Variants in FERMT2 observed in about 807,000 individuals in gnomAD.
The protein encoded by FERMT2 is fermitin family homolog 2.
In FERMT2, 15 loss-of-function variants were observed where a neutral mutation model predicts 82.7. That is an observed-to-expected ratio of 0.18 (90% CI 0.12 to 0.28). The LOEUF is 0.28. Ranked by LOEUF, FERMT2 falls within the 10% of genes least tolerant of loss-of-function variation. The pLI is 1.00. For synonymous variants in FERMT2, 274 were observed against 271.5 expected (o/e 1.01, Z -0.09); for missense variants, 645 against 809.4 (o/e 0.80, Z 2.46).
intron 8 of FERMT2, among the ~76,000 whole-genome samples, chr14:52,874,865 A>G (rs1885857673): frequency 6.6e-6 from 1 of 152,154 alleles, no homozygotes; most frequent in Non-Finnish European, 1.5e-5. Flanking sequence ...AGATCAGACT[A>G]GACAACACAG....
chr14:52,875,049 T>C (rs1028294493), intron 8 of FERMT2, among the ~76,000 whole-genome samples, 174 bp downstream of exon 8: 9 of 152,158 alleles, frequency 5.9e-5, no homozygotes, highest in South Asian at 2.1e-4. Flanking sequence ...AACGAGACCC[T>C]GTCTCAAAAT....
Position 52,870,327 on chromosome 14 carries a change from G to C in FERMT2, c.1273+2472C>G, listed in dbSNP as rs528418032. ...TGCAATGGCGTGATCTCAGCTCACC[G>C]CAAGCTCCACCTCCCAGGTTCAAGC... On this transcript the variant is annotated intron_variant, in intron 10 of 14. Transcript: ENST00000341590. 2.7e-5 allele frequency among the ~76,000 whole-genome samples: 4 copies of C among 150,118 alleles called. No individual in the cohort carries two copies. In the East Asian group the frequency reaches 7.9e-4, roughly 29 times the overall value.
Position 52,893,371 on chromosome 14 carries a change from T to C in FERMT2, c.448A>G (p.Lys150Glu). 6.2e-7 allele frequency: 1 copy of C among 1,613,044 alleles called. No homozygotes were observed. Among genetic ancestry groups the C allele is most frequent in the Non-Finnish European group, 8.5e-7 (1 of 1,179,456 alleles). ...LLKKPRDPTK[K>E]KKKKLDDQSE... is the part of the protein sequence containing the mutation. ...TGGTCATCTAGCTTCTTCTTTTTTT[T>C]CTTTGTTGGATCTCTGGGTTTCTTT... is the stretch of plus-strand genomic sequence containing the variant. The change falls in exon 4 of 15, where the codon AAA (lysine) becomes GAA (glutamate). Residue 150 changes from lysine (K) to glutamate (E), a missense_variant. Physicochemically the swap from Lys to Glu is moderately conservative, Grantham distance 56. Transcript: ENST00000341590.
In FERMT2 at chr14:52,881,069, G is replaced by A. The variant is rs1566726739; in HGVS notation, c.822C>T (p.Phe274=). The change falls in exon 6 of 15, where the codon TTC becomes TTT. Residue 274 remains phenylalanine (F), a synonymous_variant. Coordinates refer to ENST00000341590, the MANE Select transcript of FERMT2 (RefSeq NM_006832.3). ...TCAAATCAAAAAAGCTGTAATACTT[G>A]AATCGGAGCAGCAAGGCCTCATTTT... ...VKENEALLLR[F]KYYSFFDLNP... is the part of the protein sequence containing the mutation. 1.9e-6 allele frequency: 3 copies of A among 1,612,990 alleles called. No individual in the cohort carries two copies. Among genetic ancestry groups the A allele is most frequent in the Non-Finnish European group, 2.5e-6 (3 of 1,179,514 alleles).
At chr14:52,900,098 GT>G (rs113002556) in intron 3 of FERMT2, among the ~76,000 whole-genome samples, 9 of 151,292 alleles carry the variant, frequency 5.9e-5, no homozygotes, top group South Asian at 2.1e-4. Flanking sequence ...ATATAGCAAT[GT>G]TTTTTTTTGT....
intron 3 of FERMT2, among the ~76,000 whole-genome samples, chr14:52,911,749 A>T (rs1888326631): frequency 6.6e-6 from 1 of 152,120 alleles, no homozygotes; most frequent in South Asian, 2.1e-4. Context: ...TCTAACACAC[A>T]TATGAAAATT....
chr14:52,945,692 G>C (rs974303063), intron 2 of FERMT2, among the ~76,000 whole-genome samples: 3 of 152,122 alleles, frequency 2.0e-5, no homozygotes, highest in African/African-American at 7.2e-5. Context: ...CATAGAATCA[G>C]AGCTAGAGGA....
chr14:52,881,085 G>A lies in FERMT2; in HGVS notation c.806C>T (p.Ala269Val). 6.2e-7 allele frequency: 1 copy of A among 1,613,504 alleles called. No individual in the cohort carries two copies. The highest frequency in any genetic ancestry group is 8.5e-7 in the Non-Finnish European group (1 of 1,179,788). Residue 269 changes from alanine (A) to valine (V), a missense_variant, in exon 6 of 15, where the codon GCC (alanine) becomes GTC (valine). Physicochemically the swap from Ala to Val is moderately conservative, Grantham distance 64. Transcript: ENST00000341590. ...LMEQDVKENE[A>V]LLLRFKYYSF... The stretch of plus-strand genomic sequence containing the variant: ...GTAATACTTGAATCGGAGCAGCAAG[G>A]CCTCATTTTCCTTCACATCTTGTTC...
At chr14:52,892,170 T>G (rs75538391) in intron 4 of FERMT2, among the ~76,000 whole-genome samples, 13 of 14,198 alleles carry the variant, frequency 9.2e-4, no homozygotes, top group African/African-American at 1.1e-3. Flanking sequence ...TTTTTTGTTT[T>G]TTTTTTTTTT....
At chr14:52,941,787 T>TA (rs1365148895) in intron 2 of FERMT2, among the ~76,000 whole-genome samples, 1 of 152,216 alleles carries the variant, frequency 6.6e-6, no homozygotes, top group East Asian at 1.9e-4. Context: ...ATAAATGAAC[T>TA]AAAAACACTG....
chr14:52,934,895 T>C (rs1271181967), intron 2 of FERMT2, among the ~76,000 whole-genome samples: 1 of 152,120 alleles, frequency 6.6e-6, no homozygotes, highest in Non-Finnish European at 1.5e-5. Context: ...CACTTCTGTG[T>C]GTGAACTGTA....
At chr14:52,923,579 C>A (rs1889085141) in intron 2 of FERMT2, among the ~76,000 whole-genome samples, 3 of 151,876 alleles carry the variant, frequency 2.0e-5, no homozygotes, top group South Asian at 4.2e-4. Flanking sequence ...TAAAACCTGT[C>A]CCTCCCCCAT....
chr14:52,904,699 G>C (rs1243967540), intron 3 of FERMT2, among the ~76,000 whole-genome samples: 1 of 119,646 alleles, frequency 8.4e-6, no homozygotes, highest in African/African-American at 3.2e-5. Flanking sequence ...TCAAAAAAAA[G>C]AAACAAACAA....
At position 52,950,476 on chromosome 14, in the gene FERMT2, G is replaced by A. The variant is rs1254608637; in HGVS notation, c.93C>T (p.Val31=). 1.2e-6 allele frequency: 2 copies of A among 1,614,138 alleles called. No individual in the cohort carries two copies. Among genetic ancestry groups the A allele is most frequent in the Non-Finnish European group, 1.7e-6 (2 of 1,180,008 alleles). ...GCACCTCGCCGGTCACTCTCAGGGT[G>A]ACATCGCGGTTCAGGTCCGTCACAT... ...SVHVTDLNRD[V]TLRVTGEVHI... is the part of the protein sequence containing the mutation. The change falls in exon 2 of 15, where the codon GTC becomes GTT. Residue 31 remains valine, a synonymous_variant. Coordinates refer to ENST00000341590, the MANE Select transcript of FERMT2 (RefSeq NM_006832.3).
intron 7 of FERMT2, among the ~76,000 whole-genome samples, chr14:52,875,785 C>T (rs1885917042): frequency 6.6e-6 from 1 of 152,110 alleles, no homozygotes; most frequent in Non-Finnish European, 1.5e-5. Flanking sequence ...ATGCTGTACA[C>T]TGCTCCTATT....
intron 7 of FERMT2, among the ~76,000 whole-genome samples, chr14:52,876,385 T>G (rs1203261042): frequency 6.6e-6 from 1 of 151,924 alleles, no homozygotes; most frequent in Non-Finnish European, 1.5e-5. Context: ...ATATTAAGAG[T>G]CTGGTGAAGA....
At chr14:52,913,287 A>G (rs970670610) in intron 3 of FERMT2, among the ~76,000 whole-genome samples, 3 of 152,216 alleles carry the variant, frequency 2.0e-5, no homozygotes, top group Non-Finnish European at 4.4e-5. Flanking sequence ...AATTTCTAAC[A>G]TTGCAAACAC....
In FERMT2 at chr14:52,910,406, T is replaced by C. The variant is rs114110166; in HGVS notation, c.391+8717A>G. ...ACAAAATATGTTATTTTATAGTAGC[T>C]CTCTGTTGTCAGATTTTGGGAGAAA... On this transcript the variant is annotated intron_variant, in intron 3 of 14. Transcript: ENST00000341590. 4.7e-3 allele frequency among the ~76,000 whole-genome samples: 712 copies of C among 152,266 alleles called. 4 individuals are homozygous for C. The highest frequency in any genetic ancestry group is 0.016 in the African/African-American group (662 of 41,556).
chr14:52,945,170 C>G (rs1234259988), intron 2 of FERMT2, among the ~76,000 whole-genome samples: 1 of 152,040 alleles, frequency 6.6e-6, no homozygotes, highest in Non-Finnish European at 1.5e-5. Flanking sequence ...CTCGGCCTCC[C>G]AAAGTGCTAG....
Sources: allele counts gnomAD v4.1 joint callset (sites outside exome capture counted in the v4.1 genomes callset), GRCh38; gene constraint gnomAD v4.1.1; transcripts MANE v1.5; gene names NCBI Gene and HGNC (gene_info 2026-07-23, HGNC 2026-07-21).